QSOX1: variants seen among roughly 807,000 people sequenced by gnomAD.
The protein encoded by QSOX1 is quiescin sulfhydryl oxidase 1, also known as sulfhydryl oxidase 1.
In QSOX1, 40 loss-of-function variants were observed where a neutral mutation model predicts 76.1. The observed-to-expected ratio is 0.53, with a 90% CI of 0.41 to 0.68. The LOEUF (loss-of-function observed/expected upper bound fraction) is 0.68, where lower values mean the gene tolerates loss of function less well. Ranked by LOEUF, QSOX1 falls within the 30% of genes least tolerant of loss-of-function variation. The pLI, the probability that QSOX1 is intolerant of heterozygous loss-of-function variation, is 0.00. For synonymous variants in QSOX1, 392 were observed against 413.1 expected, an observed-to-expected ratio of 0.95 and a Z score of 0.62; for missense variants, 931 against 974.3, an observed-to-expected ratio of 0.96 and a Z score of 0.59.
In QSOX1 at chr1:180,176,047, G is replaced by A. The variant is rs754071154; in HGVS notation, c.515+14G>A. On this transcript the variant is annotated intron_variant, in intron 4 of 11. Coordinates refer to ENST00000367602, the MANE Select transcript of QSOX1 (RefSeq NM_002826.5). ...GGAGCCTGCCAAGTACTTTGGGCTG[G>A]GGCAGGCTTAGTGCATTGTGGGCCA... 6.4e-7 allele frequency: 1 copy of A among 1,568,132 alleles called. No individual in the cohort carries two copies. The highest frequency in any genetic ancestry group is 8.7e-7 in the Non-Finnish European group (1 of 1,154,386).
intron 1 of QSOX1, among the ~76,000 whole-genome samples, chr1:180,159,297 G>A (rs1420984336): frequency 6.6e-6 from 1 of 152,236 alleles, no homozygotes; most frequent in African/African-American, 2.4e-5. Context: ...TCATTTTGGT[G>A]TTAGGCATTT....
At chr1:180,193,281 G>A (rs371224487) in intron 10 of QSOX1, among the ~76,000 whole-genome samples, 14 of 152,094 alleles carry the variant, frequency 9.2e-5, no homozygotes, top group African/African-American at 3.1e-4. Flanking sequence ...GAGCAGCAGC[G>A]GAGACAGAGG....
At chr1:180,161,966 GA>G in intron 1 of QSOX1, among the ~76,000 whole-genome samples, 1 of 152,076 alleles carries the variant, frequency 6.6e-6, no homozygotes, top group Non-Finnish European at 1.5e-5. Flanking sequence ...TAGTTGCTTA[GA>G]AAAAAGCTTT....
chr1:180,182,609 T>C (rs2242111), intron 6 of QSOX1, among the ~76,000 whole-genome samples: 136,804 of 152,148 alleles, frequency 0.9, 61,918 homozygotes, highest in Non-Finnish European at 0.95. Context: ...GGCCCTCTTC[T>C]CCACCCTCTT....
At position 180,186,163 on chromosome 1, in the gene QSOX1, T is replaced by A. The variant is rs527768719; in HGVS notation, c.998T>A (p.Phe333Tyr). 6.2e-6 allele frequency: 10 copies of A among 1,613,690 alleles called. No homozygotes were observed. The East Asian group carries it at 2.0e-4, about 32-fold the overall frequency. ...CAGCGCCTGGTGGCCCTGAAAAAGT[T>A]TGTGGCAGTGCTGGCCAAGGTGAGC... is the stretch of plus-strand genomic sequence containing the variant. The part of the protein sequence containing the change: ...EGQRLVALKK[F>Y]VAVLAKYFPG... The change falls in exon 8 of 12, where the codon TTT becomes TAT. Residue 333 changes from phenylalanine to tyrosine, a missense_variant. By Grantham distance (22) the Phe-to-Tyr change is conservative. Transcript: ENST00000367602.
At position 180,161,282 on chromosome 1, in the gene QSOX1, C is replaced by T. The variant is rs184353557; in HGVS notation, c.266-5209C>T. Among the ~76,000 whole-genome samples the T allele has an allele frequency of 3.9e-4, 59 of 152,326 alleles. No homozygotes were observed. The East Asian group carries it at 4.2e-3, about 11-fold the overall frequency. ...GTGTGGCAAGAATAGTGATTGACCA[C>T]GTAGGCTCTTCTTAAGTTTGCTTTG... On this transcript the variant is annotated intron_variant, in intron 1 of 11. Transcript: ENST00000367602.
chr1:180,175,838 C>T lies in QSOX1; in HGVS notation c.413-93C>T, dbSNP rs185286207. The T allele has an allele frequency of 1.4e-5, 14 of 986,512 alleles. No individual in the cohort carries two copies. In the African/African-American group the frequency reaches 1.4e-4, roughly 10 times the overall value. 61.1% of individuals were successfully genotyped at this position (986,512 alleles called of 1,614,324 possible). A position where few individuals can be genotyped will look rare whatever the true frequency, so the allele number is the denominator to read the frequency against. ...TCTCTGTCAGAGCTGGCTGTGCCCTCGGCCCTTTGTTTCTGGGAGTGAAGG... is the reference window on the plus strand; with the variant it reads ...TCTCTGTCAGAGCTGGCTGTGCCCTTGGCCCTTTGTTTCTGGGAGTGAAGG... On this transcript the variant is annotated intron_variant, in intron 3 of 11. Transcript: ENST00000367602.
At chr1:180,192,530 G>T (rs1277704333) in intron 10 of QSOX1, among the ~76,000 whole-genome samples, 1 of 152,200 alleles carries the variant, frequency 6.6e-6, no homozygotes, top group Non-Finnish European at 1.5e-5. Context: ...GAAGTGGTCA[G>T]ATTTGGGGAT....
At chr1:180,170,577 A>G (rs955460296) in intron 2 of QSOX1, among the ~76,000 whole-genome samples, 18 of 152,154 alleles carry the variant, frequency 1.2e-4, no homozygotes, top group African/African-American at 4.1e-4. Context: ...GAGGTCTTCC[A>G]GTAGCTCCTG....
intron 1 of QSOX1, among the ~76,000 whole-genome samples, chr1:180,160,288 A>G (rs1349930459): frequency 6.6e-6 from 1 of 151,730 alleles, no homozygotes; most frequent in Non-Finnish European, 1.5e-5. Flanking sequence ...TCAATACACT[A>G]TGTGTCTATC....
intron 11 of QSOX1, among the ~76,000 whole-genome samples, chr1:180,195,421 CCACTT>C (rs924734575): frequency 6.6e-6 from 1 of 152,222 alleles, no homozygotes; most frequent in Non-Finnish European, 1.5e-5. Context: ...GACTTGCATG[CCACTT>C]GCTGTTGCTG....
At chr1:180,179,497 CAG>C (rs1662976776) in intron 5 of QSOX1, among the ~76,000 whole-genome samples, 2 of 152,252 alleles carry the variant, frequency 1.3e-5, no homozygotes, top group Non-Finnish European at 2.9e-5. Context: ...AGGTCAAATG[CAG>C]CAGTTTATGT....
chr1:180,198,180 G>C lies in QSOX1; in HGVS notation c.*1143G>C, dbSNP rs745635881. 7 of 456,696 alleles carry C rather than the reference G, an allele frequency of 1.5e-5. No homozygotes were observed. Among genetic ancestry groups the C allele is most frequent in the South Asian group, 6.2e-5 (4 of 64,570 alleles). 28.3% of individuals were successfully genotyped at this position (456,696 alleles called of 1,614,324 possible). A position where few individuals can be genotyped will look rare whatever the true frequency, so the allele number is the denominator to read the frequency against. On this transcript the variant is annotated 3_prime_UTR_variant, in exon 12 of 12. Transcript: ENST00000367602. Reference sequence around the variant, plus strand: ...CTGGCCACAGACTGCCCATAGAACTGTCTGCACCCAAACCCCATGGCCTTT... The same window carrying C: ...CTGGCCACAGACTGCCCATAGAACTCTCTGCACCCAAACCCCATGGCCTTT...
At chr1:180,183,227 A>G (rs953420098) in intron 6 of QSOX1, among the ~76,000 whole-genome samples, 6 of 151,764 alleles carry the variant, frequency 4.0e-5, no homozygotes, top group Middle Eastern at 3.4e-3. Context: ...CGTGCGTCCC[A>G]TGCCAGCTCC....
chr1:180,194,840 C>G (rs1379433644), intron 11 of QSOX1, among the ~76,000 whole-genome samples: 1 of 152,198 alleles, frequency 6.6e-6, no homozygotes, highest in African/African-American at 2.4e-5. Flanking sequence ...TCTGCGTTCC[C>G]TCATTATGGT....
chr1:180,179,642 G>C (rs1257162512), intron 5 of QSOX1, among the ~76,000 whole-genome samples: 1 of 152,260 alleles, frequency 6.6e-6, no homozygotes, highest in Non-Finnish European at 1.5e-5. Flanking sequence ...GCTTTTCCCA[G>C]CTGCAAAGGT....
intron 3 of QSOX1, 58 bp downstream of exon 3, chr1:180,175,424 A>C: frequency 6.4e-7 from 1 of 1,569,094 alleles, no homozygotes; most frequent in Admixed American, 1.7e-5. Context: ...CTCCCTCTTC[A>C]CCTGGGTTTC....
intron 10 of QSOX1, among the ~76,000 whole-genome samples, chr1:180,193,174 A>C (rs1213152663): frequency 3.3e-5 from 5 of 152,100 alleles, no homozygotes; most frequent in Admixed American, 1.3e-4. Context: ...CCTTTTCCCC[A>C]GTTGGAATGA....
rs1272194311 is a variant in QSOX1, at chr1:180,196,910, C to T, written c.2117C>T (p.Ser706Phe). 19 of 1,594,418 alleles carry T rather than the reference C, an allele frequency of 1.2e-5. No individual in the cohort carries two copies. Among genetic ancestry groups the T allele is most frequent in the South Asian group, 2.3e-5 (2 of 88,720 alleles). The change falls in exon 12 of 12, where the codon TCT becomes TTT. Residue 706 changes from serine (S) to phenylalanine (F), a missense_variant. By Grantham distance (155) the Ser-to-Phe change is radical (BLOSUM62 -2). Coordinates refer to ENST00000367602, the MANE Select transcript of QSOX1 (RefSeq NM_002826.5). The surrounding 1 kb of genome is among the most constrained non-coding windows in gnomAD (Gnocchi z 4.1). The part of the protein sequence containing the change: ...QWLQVLGGGF[S>F]YLDISLCVGL... Reference sequence around the variant, plus strand: ...CTGCAGGTGCTGGGAGGGGGCTTCTCTTACCTGGACATCAGCCTCTGTGTG... The same window carrying T: ...CTGCAGGTGCTGGGAGGGGGCTTCTTTTACCTGGACATCAGCCTCTGTGTG...
Sources: gnomAD v4.1 joint callset for allele counts (sites outside exome capture counted in the v4.1 genomes callset) on GRCh38, gnomAD v4.1.1 for gene constraint, Gnocchi (gnomAD v3.1) non-coding constraint, MANE v1.5 for transcripts, NCBI Gene and HGNC (gene_info 2026-07-23, HGNC 2026-07-21) for gene names.